EEA1: variants seen among roughly 807,000 people sequenced by gnomAD.
EEA1 encodes the protein early endosome antigen 1, 162kD.
EEA1 carries 111 observed loss-of-function variants against 209.2 expected under a neutral mutation model. That is an observed-to-expected ratio of 0.53 (90% CI 0.45 to 0.62). The LOEUF is 0.62. Among genes scored for constraint, EEA1 ranks in the 20% least tolerant of loss-of-function variants. The probability of loss-of-function intolerance (pLI) is 0.00; values close to 1 mark genes in which losing one functional copy is unlikely to be tolerated. For synonymous variants in EEA1, 536 were observed against 540.6 expected (o/e 0.99, Z 0.12); for missense variants, 1,343 against 1,530.8 (o/e 0.88, Z 2.05).
At chr12:92,847,192 G>T (rs1877420840) in intron 9 of EEA1, among the ~76,000 whole-genome samples, 1 of 152,110 alleles carries the variant, frequency 6.6e-6, no homozygotes, top group Non-Finnish European at 1.5e-5. Flanking sequence ...CTGACCTCAG[G>T]TGATCCACCG....
intron 1 of EEA1, among the ~76,000 whole-genome samples, chr12:92,894,590 G>A (rs778649827): frequency 5.9e-5 from 9 of 152,306 alleles, no homozygotes; most frequent in East Asian, 3.9e-4. Flanking sequence ...AGCCATTAAC[G>A]TTCCCTTAAA....
rs549364078 is a variant in EEA1 at position 92,898,659 on chromosome 12, A to C, written c.25-6938T>G. ...AGCCTGGGTGACAGAGCGAGACTCCATCTCAAAAAAAAAAAAGAAGAAGGA... is the reference window on the plus strand; with the variant it reads ...AGCCTGGGTGACAGAGCGAGACTCCCTCTCAAAAAAAAAAAAGAAGAAGGA... On this transcript the variant is annotated intron_variant, in intron 1 of 28. Transcript: ENST00000322349. 6.0e-5 allele frequency among the ~76,000 whole-genome samples: 8 copies of C among 133,606 alleles called. No homozygotes were observed. In the South Asian group the frequency reaches 1.3e-3, roughly 22 times the overall value. The allele number at this position is 133,606 out of a possible 152,430, so 87.7% of individuals were successfully genotyped here.
intron 1 of EEA1, among the ~76,000 whole-genome samples, chr12:92,898,721 CTTTTTTTCCCTT>C (rs1880013527): frequency 7.5e-6 from 1 of 133,584 alleles, no homozygotes; most frequent in African/African-American, 2.8e-5. Context: ...TTTTTTTTTC[CTTTTTTTCCCTT>C]TTTTTTTTTT....
In EEA1 at chr12:92,778,104, T is replaced by C; in HGVS notation, c.3730A>G (p.Thr1244Ala). The C allele has an allele frequency of 6.2e-7, 1 of 1,613,478 alleles. No individual in the cohort carries two copies. The highest frequency in any genetic ancestry group is 8.5e-7 in the Non-Finnish European group (1 of 1,179,536). The change falls in exon 26 of 29, where the codon ACA becomes GCA. Residue 1244 changes from threonine (T) to alanine (A), a missense_variant. Physicochemically the swap from Thr to Ala is moderately conservative, Grantham distance 58. Transcript: ENST00000322349. Reference protein sequence around the residue: ...ENEAKLTMQITALNENLGTVK... With the variant: ...ENEAKLTMQIAALNENLGTVK... ...GTGCCTAAGTTTTCATTTAATGCTG[T>C]AATCTGCATGGTAAGTTTAGCCTCA...
chr12:92,780,327 T>C lies in EEA1; in HGVS notation c.3421A>G (p.Thr1141Ala). The C allele has an allele frequency of 5.6e-6, 9 of 1,604,600 alleles. No individual in the cohort carries two copies. The highest frequency in any genetic ancestry group is 7.6e-6 in the Non-Finnish European group (9 of 1,176,878). Residue 1141 changes from threonine (T) to alanine (A), a missense_variant, in exon 24 of 29, where the codon ACT becomes GCT. Physicochemically the swap from Thr to Ala is moderately conservative, Grantham distance 58 (BLOSUM62 0). Around this residue, in one of 3 missense-constraint regions of EEA1, gnomAD observed 1,307 missense variants for 1,465.5 expected, o/e 0.89. Coordinates refer to ENST00000322349, the MANE Select transcript of EEA1 (RefSeq NM_003566.4). ...GACTTGAGTTCTTCGTTTAGTTTAG[T>C]GATTTCTTTTTCTTGTCTACATTTA... ...EIKCRQEKEI[T>A]KLNEELKSHK...
chr12:92,908,440 G>A (rs548567901), intron 1 of EEA1, among the ~76,000 whole-genome samples: 1 of 151,968 alleles, frequency 6.6e-6, no homozygotes. Context: ...GGTAAAAATT[G>A]TATCTTTTAA....
At chr12:92,794,856 T>C (rs1220030004) in intron 21 of EEA1, among the ~76,000 whole-genome samples, 1 of 151,808 alleles carries the variant, frequency 6.6e-6, no homozygotes, top group Non-Finnish European at 1.5e-5. Context: ...GTTGTGTACA[T>C]GTAAACTAGA....
chr12:92,838,049 A>T (rs1877005443), intron 10 of EEA1, among the ~76,000 whole-genome samples: 1 of 152,262 alleles, frequency 6.6e-6, no homozygotes, highest in Non-Finnish European at 1.5e-5. Context: ...ACCCTTTGGG[A>T]AAAACAAAAC....
chr12:92,869,461 T>G (rs1336386518), intron 2 of EEA1, among the ~76,000 whole-genome samples: 2 of 151,834 alleles, frequency 1.3e-5, no homozygotes, highest in African/African-American at 4.8e-5. Flanking sequence ...GAAAAAGCCC[T>G]GGCCGGGCGC....
intron 3 of EEA1, among the ~76,000 whole-genome samples, chr12:92,862,846 C>T (rs1245343037): frequency 6.6e-6 from 1 of 152,168 alleles, no homozygotes; most frequent in Non-Finnish European, 1.5e-5. Context: ...CCTGGCTTTA[C>T]TAACTGGGTG....
chr12:92,852,674 T>C (rs1037858809), intron 7 of EEA1, among the ~76,000 whole-genome samples: 20 of 152,114 alleles, frequency 1.3e-4, no homozygotes, highest in African/African-American at 4.6e-4. Flanking sequence ...AAAATGTATC[T>C]TCTCTAAATT....
intron 2 of EEA1, among the ~76,000 whole-genome samples, chr12:92,877,608 A>G (rs567618703): frequency 6.4e-4 from 98 of 152,182 alleles, no homozygotes; most frequent in African/African-American, 2.3e-3. Flanking sequence ...GGCTCACTGC[A>G]ACCTCCACCT....
chr12:92,926,911 T>C (rs1189269593), intron 1 of EEA1, among the ~76,000 whole-genome samples: 1 of 152,152 alleles, frequency 6.6e-6, no homozygotes, highest in Non-Finnish European at 1.5e-5. Context: ...AGCACTGTCA[T>C]TACTTTTAAA....
chr12:92,899,106 C>A (rs1880043920), intron 1 of EEA1, among the ~76,000 whole-genome samples: 4 of 138,340 alleles, frequency 2.9e-5, no homozygotes, highest in East Asian at 2.1e-4. Context: ...ATGAAGAATG[C>A]AAAATGAATC....
chr12:92,875,836 C>T (rs1383666194), intron 2 of EEA1, among the ~76,000 whole-genome samples: 1 of 152,096 alleles, frequency 6.6e-6, no homozygotes, highest in Non-Finnish European at 1.5e-5. Flanking sequence ...GCTTTTTCAA[C>T]ATGACAGGCA....
chr12:92,826,074 AT>A, intron 13 of EEA1, 91 bp downstream of exon 13: 1 of 1,345,456 alleles, frequency 7.4e-7, no homozygotes, highest in Non-Finnish European at 1.0e-6. Context: ...AAGGATAATG[AT>A]TTGGATTAAT....
intron 18 of EEA1, among the ~76,000 whole-genome samples, chr12:92,807,459 T>G (rs1332421445): frequency 6.6e-6 from 1 of 152,060 alleles, no homozygotes; most frequent in African/African-American, 2.4e-5. Context: ...AAAAAAGATA[T>G]AAAAGGCCTA....
intron 2 of EEA1, chr12:92,883,885 G>A (rs1202616826): frequency 2.5e-6 from 4 of 1,595,580 alleles, no homozygotes; most frequent in Admixed American, 1.7e-5. Flanking sequence ...TGAGCAATGG[G>A]GAACGCTCAC....
chr12:92,849,895 T>C (rs1173009974), intron 9 of EEA1, among the ~76,000 whole-genome samples: 1 of 152,186 alleles, frequency 6.6e-6, no homozygotes, highest in African/African-American at 2.4e-5. Flanking sequence ...AGGTCTACTT[T>C]ACATAAGGGA....
Sources: gnomAD v4.1 joint callset for allele counts (sites outside exome capture counted in the v4.1 genomes callset) on GRCh38, gnomAD v4.1.1 for gene constraint, gnomAD v4.1.1 regional missense constraint, MANE v1.5 for transcripts, NCBI Gene and HGNC (gene_info 2026-07-23, HGNC 2026-07-21) for gene names.